Variants in TAFA4 observed in about 807,000 individuals in gnomAD.
TAFA4 encodes chemokine-like protein TAFA-4.
In TAFA4, 20 loss-of-function variants were observed where a neutral mutation model predicts 21.1. That is an observed-to-expected ratio of 0.95 (90% CI 0.67 to 1.38). The LOEUF is 1.38. Among genes scored for constraint, TAFA4 ranks in the 40% most tolerant of loss-of-function variants. TAFA4 has a pLI of 0.00. For synonymous variants in TAFA4, 71 were observed against 67.4 expected (o/e 1.05, Z -0.26); for missense variants, 211 against 180.9 (o/e 1.17, Z -0.95).
intron 1 of TAFA4, among the ~76,000 whole-genome samples, chr3:68,904,123 C>T (rs2089873397): frequency 6.6e-6 from 1 of 151,786 alleles, no homozygotes; most frequent in Admixed American, 6.6e-5. Context: ...TCAAGTGCCT[C>T]TTGCAACCAC....
At chr3:68,859,984 G>T (rs534503320) in intron 3 of TAFA4, among the ~76,000 whole-genome samples, 38 of 152,260 alleles carry the variant, frequency 2.5e-4, no homozygotes, top group Admixed American at 7.8e-4. Context: ...TTTAGGAAGT[G>T]GGACCTTTCC....
At chr3:68,829,350 T>G (rs115482659) in intron 3 of TAFA4, among the ~76,000 whole-genome samples, 2,086 of 152,284 alleles carry the variant, frequency 0.014, 39 homozygotes, top group African/African-American at 0.047. Flanking sequence ...CTTATCATTT[T>G]GAGATACGTT....
chr3:68,739,003 G>T, intron 5 of TAFA4, 72 bp downstream of exon 5: 1 of 1,585,438 alleles, frequency 6.3e-7, no homozygotes, highest in South Asian at 1.2e-5. Flanking sequence ...CTTGATGGCA[G>T]AATAAAATCA....
At chr3:68,815,146 C>T (rs1703940535) in intron 3 of TAFA4, among the ~76,000 whole-genome samples, 1 of 152,134 alleles carries the variant, frequency 6.6e-6, no homozygotes, top group African/African-American at 2.4e-5. Flanking sequence ...TTCCTTACAT[C>T]TTATATAAAA....
chr3:68,898,999 C>T (rs1328682359), intron 1 of TAFA4, among the ~76,000 whole-genome samples: 1 of 152,168 alleles, frequency 6.6e-6, no homozygotes, highest in African/African-American at 2.4e-5. Flanking sequence ...TTGGACACTA[C>T]AGAAAGCCCA....
chr3:68,834,977 T>C (rs1364781144), intron 3 of TAFA4, among the ~76,000 whole-genome samples: 8 of 152,136 alleles, frequency 5.3e-5, no homozygotes. Context: ...TATATGGTCA[T>C]CCTACTCAGG....
intron 3 of TAFA4, among the ~76,000 whole-genome samples, chr3:68,864,412 T>C (rs999767019): frequency 6.6e-6 from 1 of 152,114 alleles, no homozygotes; most frequent in African/African-American, 2.4e-5. Flanking sequence ...CACACACCTA[T>C]TAAAAATGGC....
intron 3 of TAFA4, among the ~76,000 whole-genome samples, chr3:68,857,012 G>T: frequency 6.6e-6 from 1 of 152,206 alleles, no homozygotes; most frequent in South Asian, 2.1e-4. Context: ...AACACGCAGG[G>T]TAGAGGATTT....
intron 3 of TAFA4, among the ~76,000 whole-genome samples, chr3:68,822,686 G>T (rs115235018): frequency 0.01 from 1,537 of 152,222 alleles, 15 homozygotes; most frequent in Non-Finnish European, 0.016. Context: ...CAGGGAGGCT[G>T]GTTTCCAGCT....
intron 3 of TAFA4, among the ~76,000 whole-genome samples, chr3:68,867,451 G>GA (rs2089434232): frequency 1.3e-5 from 2 of 152,030 alleles, no homozygotes; most frequent in South Asian, 2.1e-4. Flanking sequence ...CAATCTGAAA[G>GA]AAAAAAACAG....
chr3:68,791,402 C>T (rs1317468366), intron 3 of TAFA4, among the ~76,000 whole-genome samples: 1 of 152,112 alleles, frequency 6.6e-6, no homozygotes, highest in Non-Finnish European at 1.5e-5. Context: ...CTGGGGCTAC[C>T]AAATGCTGGA....
intron 3 of TAFA4, among the ~76,000 whole-genome samples, chr3:68,776,785 T>C (rs948879139): frequency 1.3e-4 from 20 of 152,066 alleles, no homozygotes; most frequent in Admixed American, 2.0e-4. Context: ...TTTAAAACTA[T>C]TAAAATCACA....
At chr3:68,875,480 G>C (rs897496959) in intron 3 of TAFA4, among the ~76,000 whole-genome samples, 2 of 152,038 alleles carry the variant, frequency 1.3e-5, no homozygotes, top group Non-Finnish European at 2.9e-5. Context: ...CCATTCCACA[G>C]TCTTTTCTTT....
chr3:68,792,776 A>T (rs1003609283), intron 3 of TAFA4, among the ~76,000 whole-genome samples: 11 of 152,208 alleles, frequency 7.2e-5, no homozygotes, highest in Non-Finnish European at 1.5e-4. Flanking sequence ...AACTAGATTA[A>T]AAGAATGCCA....
At chr3:68,923,438 A>G (rs1183904664) in intron 1 of TAFA4, among the ~76,000 whole-genome samples, 1 of 152,122 alleles carries the variant, frequency 6.6e-6, no homozygotes, top group Non-Finnish European at 1.5e-5. Flanking sequence ...GTCAGATCCT[A>G]CCTAAGGCTT....
chr3:68,864,078 A>G lies in TAFA4; in HGVS notation c.130+16652T>C, dbSNP rs940436810. Among the ~76,000 whole-genome samples, 5 of 152,114 alleles carry G rather than the reference A, an allele frequency of 3.3e-5. 1 individual carries two copies. The highest frequency in any genetic ancestry group is 4.1e-4 in the South Asian group (2 of 4,832). ...TTCTAAGACACCGAAAGTAAAATAC[A>G]TAAAAGAACAAACTAGTATATTGGA... On this transcript the variant is annotated intron_variant, in intron 3 of 5. Coordinates refer to ENST00000295569, the MANE Select transcript of TAFA4 (RefSeq NM_182522.5).
At chr3:68,788,129 T>C (rs1703294159) in intron 3 of TAFA4, among the ~76,000 whole-genome samples, 1 of 152,196 alleles carries the variant, frequency 6.6e-6, no homozygotes, top group Admixed American at 6.5e-5. Context: ...TCTACATAAA[T>C]CTTGCACAGT....
rs201920266 is a variant in TAFA4 at position 68,817,687 on chromosome 3, C to A, written c.130+63043G>T. ...CAAGCATGAAAACAACATTAATCTC[C>A]TTGTACATCTCCATCAGGCCTGTTG... On this transcript the variant is annotated intron_variant, in intron 3 of 5. Transcript: ENST00000295569. 3.3e-5 allele frequency among the ~76,000 whole-genome samples: 5 copies of A among 152,252 alleles called. No homozygotes were observed. The East Asian group carries it at 9.6e-4, about 29-fold the overall frequency.
intron 1 of TAFA4, among the ~76,000 whole-genome samples, chr3:68,900,049 G>A (rs1309845956): frequency 6.8e-6 from 1 of 146,930 alleles, no homozygotes. Flanking sequence ...GACCAACCTG[G>A]GCAACATGGC....
Sources: allele counts gnomAD v4.1 joint callset (sites outside exome capture counted in the v4.1 genomes callset), GRCh38; gene constraint gnomAD v4.1.1; transcripts MANE v1.5; gene names NCBI Gene and HGNC (gene_info 2026-07-23, HGNC 2026-07-21).